The following SLIT2 variants were observed in gnomAD, a reference collection of about 807,000 sequenced individuals.
SLIT2 encodes slit homolog 2 protein.
In SLIT2, 41 loss-of-function variants were observed where a neutral mutation model predicts 185.7. That is an observed-to-expected ratio of 0.22 (90% CI 0.17 to 0.29). The LOEUF (loss-of-function observed/expected upper bound fraction) is 0.29. Ranked by LOEUF, SLIT2 falls within the 10% of genes least tolerant of loss-of-function variation. SLIT2 has a pLI of 1.00. For synonymous variants in SLIT2, 693 were observed against 680.2 expected, an observed-to-expected ratio of 1.02 and a Z score of -0.29; for missense variants, 1,571 against 1,909.0, an observed-to-expected ratio of 0.82 and a Z score of 3.30.
intron 4 of SLIT2, among the ~76,000 whole-genome samples, chr4:20,376,996 A>G (rs1451292250): frequency 2.0e-5 from 3 of 152,136 alleles, no homozygotes; most frequent in South Asian, 2.1e-4. Flanking sequence ...CGTTGTGCAC[A>G]TGTACCCTAG....
intron 26 of SLIT2, among the ~76,000 whole-genome samples, chr4:20,563,413 A>T (rs1288373254): frequency 6.6e-6 from 1 of 151,834 alleles, no homozygotes; most frequent in Non-Finnish European, 1.5e-5. Flanking sequence ...TAAAGATTGC[A>T]GTTCTTTACC....
At chr4:20,548,597 C>G in intron 23 of SLIT2, 38 bp downstream of exon 23, 1 of 1,233,718 alleles carries the variant, frequency 8.1e-7, no homozygotes, top group Non-Finnish European at 1.2e-6. Flanking sequence ...TTCATTAATT[C>G]AATGGACAAA....
chr4:20,527,518 C>G (rs915568909), intron 15 of SLIT2, among the ~76,000 whole-genome samples: 7 of 152,238 alleles, frequency 4.6e-5, no homozygotes, highest in African/African-American at 1.7e-4. Flanking sequence ...ACTTCCTGAC[C>G]TTGTGATCCG....
intron 4 of SLIT2, among the ~76,000 whole-genome samples, chr4:20,358,878 T>C (rs1353742700): frequency 1.3e-5 from 2 of 152,236 alleles, no homozygotes; most frequent in Non-Finnish European, 2.9e-5. Flanking sequence ...TGAAGAATAA[T>C]ATATTCACTG....
chr4:20,501,302 G>A (rs1718708602), intron 9 of SLIT2, among the ~76,000 whole-genome samples: 1 of 151,962 alleles, frequency 6.6e-6, no homozygotes, highest in African/African-American at 2.4e-5. Flanking sequence ...TTTGGGGGGA[G>A]GAGGTTGAGA....
At chr4:20,271,440 A>AATATATAATTAATTTATATATAATATTT (rs1335984352) in intron 4 of SLIT2, among the ~76,000 whole-genome samples, 3 of 146,532 alleles carry the variant, frequency 2.0e-5, no homozygotes, top group African/African-American at 2.5e-5. Context: ...TATGTAATAT[A>AATATATAATTAATTTATATATAATATTT]ATATATAATT....
Position 20,618,908 on chromosome 4 carries a change from A to T in SLIT2, c.4489A>T (p.Ser1497Cys), listed in dbSNP as rs1303180952. 7.4e-6 allele frequency: 12 copies of T among 1,614,000 alleles called. No individual in the cohort carries two copies. Among genetic ancestry groups the T allele is most frequent in the Non-Finnish European group, 1.0e-5 (12 of 1,180,028 alleles). The stretch of plus-strand genomic sequence containing the variant: ...AGGGCAGTGCTGTGGACCGCTGAGG[A>T]GCAAGCGGCGGAAATACTCTTTCGA... ...AGGQCCGPLR[S>C]KRRKYSFECT... The change falls in exon 37 of 37, where the codon AGC becomes TGC. Residue 1497 changes from serine to cysteine, a missense_variant. By Grantham distance (112) the Ser-to-Cys change is moderately radical. Coordinates refer to ENST00000504154, the MANE Select transcript of SLIT2 (RefSeq NM_004787.4).
intron 11 of SLIT2, among the ~76,000 whole-genome samples, chr4:20,511,508 A>G (rs1577821409): frequency 8.1e-6 from 1 of 122,874 alleles, no homozygotes; most frequent in African/African-American, 3.2e-5. Flanking sequence ...TGCAAGCTTC[A>G]CCTCCTGGGT....
intron 29 of SLIT2, among the ~76,000 whole-genome samples, chr4:20,576,503 A>G (rs1289074657): frequency 6.6e-6 from 1 of 152,158 alleles, no homozygotes; most frequent in Non-Finnish European, 1.5e-5. Context: ...TTAGATTTTC[A>G]TGATCTCTTA....
chr4:20,488,543 T>A (rs189912408), intron 7 of SLIT2, among the ~76,000 whole-genome samples: 2 of 152,274 alleles, frequency 1.3e-5, no homozygotes, highest in African/African-American at 4.8e-5. Context: ...ATTGGACTTA[T>A]TTTTTTCTCT....
At chr4:20,512,336 G>T (rs185817508) in intron 11 of SLIT2, among the ~76,000 whole-genome samples, 1 of 152,274 alleles carries the variant, frequency 6.6e-6, no homozygotes, top group East Asian at 1.9e-4. Flanking sequence ...CTGGGCACAT[G>T]AGTGTTCCAG....
intron 18 of SLIT2, among the ~76,000 whole-genome samples, chr4:20,534,303 C>T (rs1054114938): frequency 1.3e-5 from 2 of 152,124 alleles, no homozygotes; most frequent in African/African-American, 4.8e-5. Context: ...GGTGATACAT[C>T]TTCCACTGTT....
intron 9 of SLIT2, among the ~76,000 whole-genome samples, chr4:20,497,324 C>T (rs1388994526): frequency 6.6e-6 from 1 of 151,620 alleles, no homozygotes; most frequent in Non-Finnish European, 1.5e-5. Context: ...TGTGAAGTGG[C>T]TAAAATGGCT....
At chr4:20,408,695 A>G (rs1295075018) in intron 4 of SLIT2, among the ~76,000 whole-genome samples, 4 of 152,144 alleles carry the variant, frequency 2.6e-5, no homozygotes, top group Admixed American at 1.3e-4. Flanking sequence ...CTATCGCTCT[A>G]ATAGTCCTTG....
chr4:20,373,412 A>C (rs1389251666), intron 4 of SLIT2, among the ~76,000 whole-genome samples: 1 of 152,094 alleles, frequency 6.6e-6, no homozygotes, highest in Non-Finnish European at 1.5e-5. Flanking sequence ...AATTTTAAAG[A>C]GATAAAAGTG....
intron 12 of SLIT2, among the ~76,000 whole-genome samples, chr4:20,519,927 A>G (rs1720670643): frequency 6.7e-6 from 1 of 148,850 alleles, no homozygotes; most frequent in African/African-American, 2.5e-5. Context: ...CCAGCTACTC[A>G]GGAGGCTGAG....
intron 30 of SLIT2, among the ~76,000 whole-genome samples, chr4:20,592,835 A>G (rs531475258): frequency 6.6e-5 from 10 of 152,244 alleles, no homozygotes; most frequent in Admixed American, 3.9e-4. Flanking sequence ...TTGCTTTGCT[A>G]TGATTTAGCA....
chr4:20,339,828 GA>G (rs1720816497), intron 4 of SLIT2, among the ~76,000 whole-genome samples: 2 of 151,720 alleles, frequency 1.3e-5, no homozygotes, highest in Admixed American at 6.6e-5. Context: ...AAAAAAAAAA[GA>G]AAAAAATCTA....
At chr4:20,426,806 G>A (rs1369039062) in intron 4 of SLIT2, among the ~76,000 whole-genome samples, 1 of 152,156 alleles carries the variant, frequency 6.6e-6, no homozygotes, top group Non-Finnish European at 1.5e-5. Context: ...CATATGGGCT[G>A]GGCTTATATT....
Sources: gnomAD v4.1 joint callset for allele counts (sites outside exome capture counted in the v4.1 genomes callset) on GRCh38, gnomAD v4.1.1 for gene constraint, MANE v1.5 for transcripts, NCBI Gene and HGNC (gene_info 2026-07-23, HGNC 2026-07-21) for gene names.